BRINP3: variants seen among roughly 807,000 people sequenced by gnomAD.
BRINP3 encodes the protein BMP/retinoic acid inducible neural specific 3.
BRINP3 carries 19 observed loss-of-function variants against 71.0 expected under a neutral mutation model. The ratio of observed to expected loss-of-function variants is 0.27; its 90% CI spans 0.19 to 0.39. The LOEUF (loss-of-function observed/expected upper bound fraction) is 0.39. Among genes scored for constraint, BRINP3 ranks in the 10% least tolerant of loss-of-function variants. The pLI is 1.00. For synonymous variants in BRINP3, 380 were observed against 337.7 expected (o/e 1.13, Z -1.37); for missense variants, 959 against 940.8 (o/e 1.02, Z -0.25).
intron 2 of BRINP3, among the ~76,000 whole-genome samples, chr1:190,364,964 G>A (rs1033889791): frequency 1.3e-5 from 2 of 152,020 alleles, no homozygotes; most frequent in African/African-American, 4.8e-5. Context: ...GGACTGATAA[G>A]AATCAAATTT....
chr1:190,464,238 A>C (rs1427710851), intron 1 of BRINP3, among the ~76,000 whole-genome samples: 2 of 151,862 alleles, frequency 1.3e-5, no homozygotes, highest in Non-Finnish European at 2.9e-5. Context: ...TTATCTAATG[A>C]GGGGCTACAA....
chr1:190,447,161 GGAGT>G (rs1473862074), intron 2 of BRINP3, among the ~76,000 whole-genome samples: 2 of 151,224 alleles, frequency 1.3e-5, no homozygotes, highest in Admixed American at 1.3e-4. Flanking sequence ...GCTGTTTATA[GGAGT>G]AAGTAAGATA....
At chr1:190,390,455 G>A (rs1352329133) in intron 2 of BRINP3, among the ~76,000 whole-genome samples, 2 of 151,798 alleles carry the variant, frequency 1.3e-5, no homozygotes, top group East Asian at 1.9e-4. Context: ...ATGAGAGGTC[G>A]GGGTATTAGA....
intron 4 of BRINP3, among the ~76,000 whole-genome samples, chr1:190,254,667 T>C (rs1372320038): frequency 2.0e-5 from 3 of 152,194 alleles, no homozygotes; most frequent in Admixed American, 2.0e-4. Flanking sequence ...CTTAAGGAAA[T>C]TTTGGGCTGA....
intron 2 of BRINP3, among the ~76,000 whole-genome samples, chr1:190,345,389 A>G (rs1319614929): frequency 6.6e-6 from 1 of 151,794 alleles, no homozygotes; most frequent in Non-Finnish European, 1.5e-5. Flanking sequence ...CAAGACCTGG[A>G]ATCAGGAAGA....
chr1:190,185,485 TA>T (rs1653432472), intron 6 of BRINP3, among the ~76,000 whole-genome samples: 1 of 152,092 alleles, frequency 6.6e-6, no homozygotes, highest in African/African-American at 2.4e-5. Context: ...ACCCACATTT[TA>T]AGAATAAATT....
At chr1:190,228,262 CAG>C (rs1419168725) in intron 5 of BRINP3, among the ~76,000 whole-genome samples, 9 of 151,272 alleles carry the variant, frequency 5.9e-5, no homozygotes, top group African/African-American at 1.7e-4. Context: ...TTGAATAATT[CAG>C]AGTCTTTGCT....
At chr1:190,127,032 T>G (rs10800903) in intron 7 of BRINP3, among the ~76,000 whole-genome samples, 7,990 of 151,988 alleles carry the variant, frequency 0.053, 710 homozygotes, top group African/African-American at 0.18. Context: ...TATTTATTTC[T>G]TAAGTGAACG....
intron 5 of BRINP3, among the ~76,000 whole-genome samples, chr1:190,227,618 G>T (rs187637663): frequency 1.3e-5 from 2 of 151,794 alleles, no homozygotes; most frequent in East Asian, 1.9e-4. Flanking sequence ...GTTCACAAAA[G>T]TAAAAAAACT....
chr1:190,368,282 T>C (rs1406233262), intron 2 of BRINP3, among the ~76,000 whole-genome samples: 5 of 152,044 alleles, frequency 3.3e-5, no homozygotes, highest in Non-Finnish European at 7.4e-5. Context: ...GAAAGACTCC[T>C]TATAAAATCA....
intron 3 of BRINP3, among the ~76,000 whole-genome samples, chr1:190,276,077 T>A (rs368158696): frequency 1.4e-3 from 212 of 151,588 alleles, no homozygotes; most frequent in Middle Eastern, 3.4e-3. Flanking sequence ...TTTTCTCCCT[T>A]CAATGACATT....
At chr1:190,193,274 G>C (rs1467906649) in intron 6 of BRINP3, among the ~76,000 whole-genome samples, 1 of 152,018 alleles carries the variant, frequency 6.6e-6, no homozygotes, top group African/African-American at 2.4e-5. Flanking sequence ...AATTGACAAA[G>C]AACAAGATGA....
intron 6 of BRINP3, among the ~76,000 whole-genome samples, chr1:190,180,281 T>A (rs1652915317): frequency 6.6e-6 from 1 of 152,148 alleles, no homozygotes; most frequent in South Asian, 2.1e-4. Flanking sequence ...CATTACAGTT[T>A]CACAACCTAG....
At chr1:190,431,552 T>C (rs1674101889) in intron 2 of BRINP3, among the ~76,000 whole-genome samples, 1 of 152,084 alleles carries the variant, frequency 6.6e-6, no homozygotes. Flanking sequence ...AGATGGGGTT[T>C]TACTATGATG....
chr1:190,362,282 G>A (rs1669199563), intron 2 of BRINP3: 2 of 152,046 alleles, frequency 1.3e-5, no homozygotes, highest in South Asian at 2.1e-4. Context: ...TAATAAGCAC[G>A]GTCTTAAGTT....
At chr1:190,198,967 G>A (rs1654748156) in intron 6 of BRINP3, among the ~76,000 whole-genome samples, 1 of 152,094 alleles carries the variant, frequency 6.6e-6, no homozygotes, top group African/African-American at 2.4e-5. Context: ...AGACATACTA[G>A]AGACAGGATA....
At chr1:190,192,359 T>C (rs559897624) in intron 6 of BRINP3, among the ~76,000 whole-genome samples, 2 of 152,256 alleles carry the variant, frequency 1.3e-5, no homozygotes, top group South Asian at 2.1e-4. Context: ...TGTTGATTAG[T>C]GTACTGAATC....
At chr1:190,235,817 T>C (rs926749489) in intron 4 of BRINP3, among the ~76,000 whole-genome samples, 1 of 152,038 alleles carries the variant, frequency 6.6e-6, no homozygotes, top group Non-Finnish European at 1.5e-5. Flanking sequence ...TTTTTCTTTC[T>C]TACATTGTTC....
At chr1:190,307,988 AT>A (rs1169995060) in intron 2 of BRINP3, among the ~76,000 whole-genome samples, 1 of 151,998 alleles carries the variant, frequency 6.6e-6, no homozygotes, top group Non-Finnish European at 1.5e-5. Flanking sequence ...CTCTGATGAC[AT>A]TTGCCTAACC....
Sources: gnomAD v4.1 joint callset for allele counts (sites outside exome capture counted in the v4.1 genomes callset) on GRCh38, gnomAD v4.1.1 for gene constraint, MANE v1.5 for transcripts, NCBI Gene and HGNC (gene_info 2026-07-23, HGNC 2026-07-21) for gene names.